RTN4IP1: variants seen among roughly 807,000 people sequenced by gnomAD.
The protein encoded by RTN4IP1 is NAD(P)H oxidoreductase RTN4IP1, mitochondrial.
A neutral mutation model predicts 46.6 loss-of-function variants in RTN4IP1; 32 were observed. The ratio of observed to expected loss-of-function variants is 0.69; its 90% CI spans 0.52 to 0.92. The LOEUF is 0.92. Ranked by LOEUF, RTN4IP1 falls within the 40% of genes least tolerant of loss-of-function variation. The pLI, the probability that RTN4IP1 is intolerant of heterozygous loss-of-function variation, is 0.00. For missense variants in RTN4IP1, 424 were observed against 485.8 expected, an observed-to-expected ratio of 0.87 and a Z score of 1.20; for synonymous variants, 167 against 161.8, an observed-to-expected ratio of 1.03 and a Z score of -0.24.
chr6:106,587,639 G>T, intron 7 of RTN4IP1, 40 bp downstream of exon 7: 1 of 1,566,290 alleles, frequency 6.4e-7, no homozygotes, highest in Non-Finnish European at 8.7e-7. Flanking sequence ...CTAGCAGCAG[G>T]AGGCTGCCTG....
chr6:106,572,026 T>A lies in RTN4IP1; in HGVS notation c.1161A>T (p.Ala387=), dbSNP rs1382150553. The change falls in exon 9 of 9, where the codon GCA becomes GCT. Residue 387 remains alanine (A), a synonymous_variant. Coordinates refer to ENST00000369063, the MANE Select transcript of RTN4IP1 (RefSeq NM_032730.5). ...EAFLKVERGH[A]RGKTVINVV The stretch of plus-strand genomic sequence containing the variant: ...CAACATTAATTACAGTCTTTCCTCG[T>A]GCGTGTCCTCTTTCCACCTTCAGGA... 6.2e-7 allele frequency: 1 copy of A among 1,613,440 alleles called. No individual in the cohort carries two copies. Among genetic ancestry groups the A allele is most frequent in the East Asian group, 2.2e-5 (1 of 44,890 alleles).
intron 8 of RTN4IP1, among the ~76,000 whole-genome samples, chr6:106,579,965 A>G (rs1283755874): frequency 2.0e-5 from 3 of 151,894 alleles, no homozygotes; most frequent in Non-Finnish European, 4.4e-5. Flanking sequence ...CTGTAATCCC[A>G]ACACTTTGGG....
chr6:106,610,227 A>C (rs1011166700), intron 4 of RTN4IP1, among the ~76,000 whole-genome samples: 2 of 151,802 alleles, frequency 1.3e-5, no homozygotes, highest in African/African-American at 4.8e-5. Flanking sequence ...ACACCTGGCT[A>C]ATTTTTTTGT....
At chr6:106,610,104 CA>C (rs1776188706) in intron 4 of RTN4IP1, among the ~76,000 whole-genome samples, 1 of 152,074 alleles carries the variant, frequency 6.6e-6, no homozygotes, top group African/African-American at 2.4e-5. Flanking sequence ...CTCCGTCGCC[CA>C]GGCTGGAGTG....
intron 5 of RTN4IP1, among the ~76,000 whole-genome samples, chr6:106,600,344 G>GCAGT (rs1212637550): frequency 6.6e-6 from 1 of 151,662 alleles, no homozygotes. Flanking sequence ...CACAACAGGA[G>GCAGT]CAGTCACTGG....
intron 1 of RTN4IP1, among the ~76,000 whole-genome samples, chr6:106,627,786 C>G (rs930100463): frequency 8.5e-6 from 1 of 117,396 alleles, no homozygotes; most frequent in Non-Finnish European, 1.7e-5. Context: ...TGGAGTCTCA[C>G]TCTATCGGCA....
chr6:106,624,751 C>T (rs1360347227), intron 1 of RTN4IP1, among the ~76,000 whole-genome samples: 3 of 150,318 alleles, frequency 2.0e-5, no homozygotes, highest in African/African-American at 7.3e-5. Flanking sequence ...AGTTCAAAAC[C>T]AGCCTAGAGC....
rs1775521798 is a variant in RTN4IP1 at position 106,587,751 on chromosome 6, C to A, written c.918G>T (p.Leu306=). 6.2e-7 allele frequency: 1 copy of A among 1,613,960 alleles called. No individual in the cohort carries two copies. The highest frequency in any genetic ancestry group is 8.5e-7 in the Non-Finnish European group (1 of 1,180,000). Residue 306 remains leucine (L), a synonymous_variant, in exon 7 of 9, where the codon CTG becomes CTT. Transcript: ENST00000369063. The stretch of plus-strand genomic sequence containing the variant: ...CTGCTATGCCCAATCGGTCCATGTT[C>A]AGGAGGAAAGGAGTCACCAAAGTCA... The part of the protein sequence containing the change: ...TYVTLVTPFL[L]NMDRLGIADG...
chr6:106,624,308 C>T (rs927843868), intron 1 of RTN4IP1, among the ~76,000 whole-genome samples: 2 of 152,088 alleles, frequency 1.3e-5, no homozygotes, highest in Non-Finnish European at 2.9e-5. Context: ...CCCGCCTCGG[C>T]CTCCCAAAGT....
At chr6:106,602,127 C>T (rs544041582) in intron 5 of RTN4IP1, among the ~76,000 whole-genome samples, 3 of 152,218 alleles carry the variant, frequency 2.0e-5, no homozygotes, top group South Asian at 2.1e-4. Context: ...TAAGTTCACC[C>T]TTATGTTTTG....
At chr6:106,620,261 T>A (rs1187335541) in intron 3 of RTN4IP1, among the ~76,000 whole-genome samples, 1 of 151,984 alleles carries the variant, frequency 6.6e-6, no homozygotes, top group East Asian at 1.9e-4. Context: ...CCCAACACCA[T>A]GCCCGGCTAA....
chr6:106,615,214 G>T (rs1325551567), intron 4 of RTN4IP1, among the ~76,000 whole-genome samples: 1 of 152,150 alleles, frequency 6.6e-6, no homozygotes, highest in East Asian at 1.9e-4. Context: ...ACAGGTGGTG[G>T]TGGGGTGAAG....
chr6:106,609,969 G>C (rs1776184102), intron 4 of RTN4IP1, among the ~76,000 whole-genome samples: 2 of 152,236 alleles, frequency 1.3e-5, no homozygotes, highest in Admixed American at 1.3e-4. Flanking sequence ...AAGGAGCCCT[G>C]AGGACACATC....
At chr6:106,619,013 A>G (rs1405990755) in intron 4 of RTN4IP1, among the ~76,000 whole-genome samples, 189 bp downstream of exon 4, 1 of 152,248 alleles carries the variant, frequency 6.6e-6, no homozygotes, top group Non-Finnish European at 1.5e-5. Context: ...TGGGCTGAGA[A>G]TCCACAGAAT....
intron 4 of RTN4IP1, among the ~76,000 whole-genome samples, chr6:106,611,232 T>C (rs1776216919): frequency 6.6e-6 from 1 of 152,184 alleles, no homozygotes; most frequent in Non-Finnish European, 1.5e-5. Context: ...CCCTCAGATC[T>C]GTCACCTACA....
At chr6:106,624,724 G>A (rs532699726) in intron 1 of RTN4IP1, among the ~76,000 whole-genome samples, 1 of 150,952 alleles carries the variant, frequency 6.6e-6, no homozygotes, top group South Asian at 2.1e-4. Context: ...AAGGTGGGAG[G>A]ATTGCTTGAG....
At chr6:106,608,574 A>G (rs1776143662) in intron 4 of RTN4IP1, among the ~76,000 whole-genome samples, 1 of 152,248 alleles carries the variant, frequency 6.6e-6, no homozygotes, top group South Asian at 2.1e-4. Flanking sequence ...CATGGTATCC[A>G]TGTATTGAAA....
chr6:106,602,228 C>T (rs1220682198), intron 5 of RTN4IP1, among the ~76,000 whole-genome samples: 1 of 151,944 alleles, frequency 6.6e-6, no homozygotes, highest in African/African-American at 2.4e-5. Flanking sequence ...TTTGGGGTCC[C>T]CTGTGATTCC....
At chr6:106,575,291 G>A (rs114766005) in intron 8 of RTN4IP1, among the ~76,000 whole-genome samples, 2,949 of 152,294 alleles carry the variant, frequency 0.019, 77 homozygotes, top group African/African-American at 0.069. Flanking sequence ...GGCCAGGGAC[G>A]CTCACAGCAG....
Sources: allele counts gnomAD v4.1 joint callset (sites outside exome capture counted in the v4.1 genomes callset), GRCh38; gene constraint gnomAD v4.1.1; transcripts MANE v1.5; gene names NCBI Gene and HGNC (gene_info 2026-07-23, HGNC 2026-07-21).